The following RTN4 variants were observed in gnomAD, a reference collection of about 807,000 sequenced individuals.
The protein encoded by RTN4 is reticulon 4.
Under a neutral mutation model 90.4 loss-of-function variants are expected in RTN4, and 32 were observed. The ratio of observed to expected loss-of-function variants is 0.35; its 90% confidence interval spans 0.27 to 0.48. The LOEUF is 0.48. Ranked by LOEUF, RTN4 falls within the 20% of genes least tolerant of loss-of-function variation. The pLI, the probability that RTN4 is intolerant of heterozygous loss-of-function variation, is 0.99. For synonymous variants in RTN4, 629 were observed against 552.5 expected (o/e 1.14, Z -1.94); for missense variants, 1,706 against 1,430.2 (o/e 1.19, Z -3.11).
chr2:55,008,517 C>T lies in RTN4; in HGVS notation c.3013+16569G>A, dbSNP rs577994685. Among the ~76,000 whole-genome samples the T allele has an allele frequency of 2.6e-5, 4 of 152,070 alleles. No homozygotes were observed. In the South Asian group the frequency reaches 8.3e-4, roughly 32 times the overall value. On this transcript the variant is annotated intron_variant, in intron 3 of 8. Transcript: ENST00000337526. Reference sequence around the variant, plus strand: ...AAACAGGCAAAGTTAATCTTACCGACCAAAACAGCCAGACAGGTACTAAAA... The same window carrying T: ...AAACAGGCAAAGTTAATCTTACCGATCAAAACAGCCAGACAGGTACTAAAA...
At chr2:54,985,284 T>C (rs1486688162) in intron 4 of RTN4, among the ~76,000 whole-genome samples, 2 of 149,528 alleles carry the variant, frequency 1.3e-5, no homozygotes, top group Non-Finnish European at 3.0e-5. Flanking sequence ...CTCAGCTGCC[T>C]GAATAGCTGG....
the RTN4 span, among the ~76,000 whole-genome samples, chr2:55,134,835 C>T: frequency 6.6e-6 from 1 of 152,166 alleles, no homozygotes; most frequent in Non-Finnish European, 1.5e-5. Flanking sequence ...AGGGTTTGCC[C>T]AGTCCTGAGG....
intron 1 of RTN4, among the ~76,000 whole-genome samples, chr2:55,091,435 A>G (rs539740705): frequency 6.6e-6 from 1 of 152,132 alleles, no homozygotes; most frequent in East Asian, 1.9e-4. Context: ...CCAATCCCTA[A>G]ACTTCTAGCC....
chr2:55,055,727 G>A (rs1374973297), upstream of RTN4, among the ~76,000 whole-genome samples: 4 of 149,272 alleles, frequency 2.7e-5, no homozygotes, highest in South Asian at 2.1e-4. Flanking sequence ...CAGAGATCGC[G>A]CCACTGCACT....
At chr2:54,977,337 C>T (rs1558754159) in intron 5 of RTN4, among the ~76,000 whole-genome samples, 1 of 151,810 alleles carries the variant, frequency 6.6e-6, no homozygotes, top group East Asian at 1.9e-4. Flanking sequence ...TGAATGTTAA[C>T]AGCTGCCTAT....
intron 1 of RTN4, among the ~76,000 whole-genome samples, chr2:55,090,401 C>A (rs1178225187): frequency 6.6e-6 from 1 of 152,250 alleles, no homozygotes; most frequent in East Asian, 1.9e-4. Flanking sequence ...GTTCCCTGCA[C>A]ACTCAATATC....
intron 3 of RTN4, among the ~76,000 whole-genome samples, chr2:54,994,954 C>T (rs1224967194): frequency 6.6e-6 from 1 of 152,080 alleles, no homozygotes. Flanking sequence ...TCATCATATT[C>T]TAAATAAAGG....
intron 1 of RTN4, among the ~76,000 whole-genome samples, chr2:55,047,291 T>C (rs1300094238): frequency 3.3e-5 from 5 of 150,528 alleles, no homozygotes; most frequent in Admixed American, 1.3e-4. Flanking sequence ...GATTGCGTCA[T>C]TGCACTCCAG....
At chr2:55,048,089 C>T (rs1327162804) in intron 1 of RTN4, among the ~76,000 whole-genome samples, 1 of 152,212 alleles carries the variant, frequency 6.6e-6, no homozygotes, top group African/African-American at 2.4e-5. Flanking sequence ...CTAACCTATA[C>T]AGGATGTTAC....
intron 2 of RTN4, among the ~76,000 whole-genome samples, chr2:55,070,788 G>A (rs572834352): frequency 1.3e-4 from 19 of 145,764 alleles, no homozygotes; most frequent in Admixed American, 3.5e-4. Flanking sequence ...TTTGTTTTTC[G>A]TTTTTTTTGA....
At chr2:55,114,785 G>T (rs528694657), upstream of RTN4, among the ~76,000 whole-genome samples, 1 of 152,106 alleles carries the variant, frequency 6.6e-6, no homozygotes, top group East Asian at 1.9e-4. Context: ...AAAAAGGCAC[G>T]TTCCTCCTCT....
At chr2:55,076,381 CT>C (rs1668599320) in intron 2 of RTN4, among the ~76,000 whole-genome samples, 1 of 113,358 alleles carries the variant, frequency 8.8e-6, no homozygotes, top group Non-Finnish European at 1.8e-5. Context: ...ACCCAAATTT[CT>C]TTTGTTCTTT....
intron 1 of RTN4, among the ~76,000 whole-genome samples, chr2:55,041,402 T>G (rs1683065261): frequency 6.6e-6 from 1 of 151,974 alleles, no homozygotes; most frequent in South Asian, 2.1e-4. Context: ...TAAAAAAAAT[T>G]TTAAGATGAA....
intron 3 of RTN4, among the ~76,000 whole-genome samples, chr2:55,013,114 A>G (rs1680763492): frequency 6.6e-6 from 1 of 152,200 alleles, no homozygotes; most frequent in Non-Finnish European, 1.5e-5. Flanking sequence ...AGGAGAGGCC[A>G]CAGAAAACTC....
chr2:55,041,539 C>G (rs143438131), intron 1 of RTN4, among the ~76,000 whole-genome samples: 4 of 151,964 alleles, frequency 2.6e-5, no homozygotes, highest in African/African-American at 9.7e-5. Flanking sequence ...AATGGAAAAG[C>G]AGAGGAAATA....
chr2:55,031,622 G>A (rs1682323179), intron 1 of RTN4, among the ~76,000 whole-genome samples: 1 of 152,156 alleles, frequency 6.6e-6, no homozygotes, highest in Non-Finnish European at 1.5e-5. Flanking sequence ...AGTCAGAAAG[G>A]AAAGATCTCT....
chr2:55,113,767 G>T (rs1668078100), upstream of RTN4, among the ~76,000 whole-genome samples: 1 of 152,182 alleles, frequency 6.6e-6, no homozygotes. Context: ...CCAGTCCAAA[G>T]TGACTGGAGA....
At chr2:55,072,799 G>T (rs564442020) in intron 2 of RTN4, among the ~76,000 whole-genome samples, 3 of 152,206 alleles carry the variant, frequency 2.0e-5, no homozygotes, top group Admixed American at 1.3e-4. Context: ...TAACTATAAG[G>T]ATCACAACTA....
At chr2:55,096,308 A>C (rs1208315001) in intron 1 of RTN4, among the ~76,000 whole-genome samples, 2 of 151,854 alleles carry the variant, frequency 1.3e-5, no homozygotes, top group Non-Finnish European at 2.9e-5. Context: ...CCTGGGCAAC[A>C]AGAGCAAAAC....
Sources: allele counts gnomAD v4.1 joint callset (sites outside exome capture counted in the v4.1 genomes callset), GRCh38; gene constraint gnomAD v4.1.1; transcripts MANE v1.5; gene names NCBI Gene and HGNC (gene_info 2026-07-23, HGNC 2026-07-21).